Variants in LINGO2 observed in about 807,000 individuals in gnomAD.
LINGO2 encodes leucine rich repeat and Ig domain containing 2.
LINGO2 carries 14 observed loss-of-function variants against 30.6 expected under a neutral mutation model. That is an observed-to-expected ratio of 0.46 (90% CI 0.30 to 0.72). The LOEUF is 0.72. Among genes scored for constraint, LINGO2 ranks in the 30% least tolerant of loss-of-function variants. The pLI, the probability that LINGO2 is intolerant of heterozygous loss-of-function variation, is 0.07. For synonymous variants in LINGO2, 317 were observed against 288.5 expected (o/e 1.10, Z -1.00); for missense variants, 729 against 751.7 (o/e 0.97, Z 0.35).
intron 1 of LINGO2, among the ~76,000 whole-genome samples, chr9:28,541,588 G>A (rs1821701186): frequency 6.6e-6 from 1 of 152,116 alleles, no homozygotes; most frequent in Admixed American, 6.6e-5. Flanking sequence ...GGGAAGCCAT[G>A]TCCACTAATT....
intron 4 of LINGO2, among the ~76,000 whole-genome samples, chr9:28,141,478 CT>C (rs1827670203): frequency 6.6e-6 from 1 of 152,196 alleles, no homozygotes; most frequent in Non-Finnish European, 1.5e-5. Context: ...ATAATAGCAC[CT>C]CATTGCTTAT....
the LINGO2 span, among the ~76,000 whole-genome samples, chr9:28,948,189 A>G: frequency 6.6e-6 from 1 of 152,128 alleles, no homozygotes; most frequent in Admixed American, 6.5e-5. Flanking sequence ...CAGCAATAGC[A>G]TATAGATGAG....
chr9:28,682,203 G>A, the LINGO2 span, among the ~76,000 whole-genome samples: 1 of 152,090 alleles, frequency 6.6e-6, no homozygotes, highest in South Asian at 2.1e-4. Flanking sequence ...CTCTTTCAAT[G>A]ACACTGTTCA....
the LINGO2 span, among the ~76,000 whole-genome samples, chr9:28,847,517 C>A: frequency 1.4e-5 from 2 of 146,576 alleles, no homozygotes; most frequent in Non-Finnish European, 3.0e-5. Context: ...CCTTCACATG[C>A]CTTTCATCCC....
At chr9:27,997,963 AG>A (rs1324442903) in intron 5 of LINGO2, among the ~76,000 whole-genome samples, 1 of 97,052 alleles carries the variant, frequency 1.0e-5, no homozygotes, top group African/African-American at 3.9e-5. Context: ...TTGGGGTGGG[AG>A]GGGGGGAGGT....
chr9:28,673,706 A>ATC (rs1266460076), upstream of LINGO2, among the ~76,000 whole-genome samples: 140 of 117,446 alleles, frequency 1.2e-3, no homozygotes, highest in African/African-American at 4.6e-3. Flanking sequence ...TCATCATCAT[A>ATC]AATATTGTTC....
the LINGO2 span, among the ~76,000 whole-genome samples, chr9:29,186,929 A>G: frequency 6.6e-6 from 1 of 152,164 alleles, no homozygotes; most frequent in Admixed American, 6.5e-5. Context: ...CAATAATAAT[A>G]AAATTGTAGC....
At chr9:28,276,810 T>A (rs1054902497) in intron 4 of LINGO2, among the ~76,000 whole-genome samples, 1 of 152,202 alleles carries the variant, frequency 6.6e-6, no homozygotes, top group African/African-American at 2.4e-5. Flanking sequence ...TCTTTTATAT[T>A]AAAAGACAAA....
At chr9:29,117,270 A>C in the LINGO2 span, among the ~76,000 whole-genome samples, 3 of 152,158 alleles carry the variant, frequency 2.0e-5, no homozygotes, top group Non-Finnish European at 4.4e-5. Flanking sequence ...GGCTCAGTTC[A>C]GTTGTTTACT....
intron 2 of LINGO2, among the ~76,000 whole-genome samples, chr9:28,410,296 A>G (rs148790138): frequency 0.025 from 3,747 of 152,252 alleles, 75 homozygotes; most frequent in Non-Finnish European, 0.04. Flanking sequence ...CAGGCAAGTT[A>G]GGATTTACAT....
intron 4 of LINGO2, among the ~76,000 whole-genome samples, chr9:28,231,716 C>G (rs1051472248): frequency 1.3e-5 from 2 of 152,010 alleles, no homozygotes; most frequent in African/African-American, 2.4e-5. Context: ...GAAGTCTTAT[C>G]CCTCACCAAA....
the LINGO2 span, among the ~76,000 whole-genome samples, chr9:28,921,216 T>G: frequency 6.6e-6 from 1 of 152,156 alleles, no homozygotes; most frequent in African/African-American, 2.4e-5. Context: ...GACAAACATT[T>G]CTAATCACTG....
At chr9:28,093,156 A>G (rs1261767510) in intron 4 of LINGO2, among the ~76,000 whole-genome samples, 1 of 152,074 alleles carries the variant, frequency 6.6e-6, no homozygotes, top group Non-Finnish European at 1.5e-5. Flanking sequence ...CTGCTTTTCA[A>G]TTAACTCTTA....
At chr9:29,140,776 A>G in the LINGO2 span, among the ~76,000 whole-genome samples, 1 of 152,002 alleles carries the variant, frequency 6.6e-6, no homozygotes, top group Non-Finnish European at 1.5e-5. Flanking sequence ...GAAAGCAGGA[A>G]GGGAAAATTG....
chr9:29,031,179 T>A, the LINGO2 span, among the ~76,000 whole-genome samples: 1 of 152,152 alleles, frequency 6.6e-6, no homozygotes, highest in African/African-American at 2.4e-5. Context: ...TGAAGAAAAT[T>A]AAGCAGATAT....
At chr9:27,978,618 T>C (rs1356976811) in intron 5 of LINGO2, among the ~76,000 whole-genome samples, 2 of 152,010 alleles carry the variant, frequency 1.3e-5, no homozygotes, top group Non-Finnish European at 2.9e-5. Context: ...AAGGTCTTCC[T>C]ACTATGCAAA....
chr9:28,831,503 G>A, the LINGO2 span, among the ~76,000 whole-genome samples: 1 of 152,112 alleles, frequency 6.6e-6, no homozygotes, highest in Non-Finnish European at 1.5e-5. Flanking sequence ...TTCTTGGTTA[G>A]TAGGTAGTAT....
chr9:29,193,155 C>T, the LINGO2 span, among the ~76,000 whole-genome samples: 2 of 152,190 alleles, frequency 1.3e-5, no homozygotes, highest in Admixed American at 6.5e-5. Flanking sequence ...TCATTATTTA[C>T]ATCCAAACAC....
intron 4 of LINGO2, among the ~76,000 whole-genome samples, chr9:28,162,691 C>T (rs924885256): frequency 6.6e-6 from 1 of 151,946 alleles, no homozygotes; most frequent in African/African-American, 2.4e-5. Flanking sequence ...TTTGTATATC[C>T]TTGTGTACTA....
Sources: allele counts gnomAD v4.1 joint callset (sites outside exome capture counted in the v4.1 genomes callset), GRCh38; gene constraint gnomAD v4.1.1; transcripts MANE v1.5; gene names NCBI Gene and HGNC (gene_info 2026-07-23, HGNC 2026-07-21).